The following SOX6 variants were observed in gnomAD, a reference collection of about 807,000 sequenced individuals.
SOX6 encodes the protein SRY-box transcription factor 6.
In SOX6, 11 loss-of-function variants were observed where a neutral mutation model predicts 97.8. That is an observed-to-expected ratio of 0.11 (90% confidence interval 0.07 to 0.19). SOX6 has a LOEUF of 0.19. Ranked by LOEUF, SOX6 falls within the 10% of genes least tolerant of loss-of-function variation. The pLI, the probability that SOX6 is intolerant of heterozygous loss-of-function variation, is 1.00. For missense variants in SOX6, 810 were observed against 1,039.5 expected, an observed-to-expected ratio of 0.78 and a Z score of 3.04; for synonymous variants, 360 against 371.4, an observed-to-expected ratio of 0.97 and a Z score of 0.35.
chr11:16,204,849 T>G (rs1317142251), intron 4 of SOX6, among the ~76,000 whole-genome samples: 3 of 152,144 alleles, frequency 2.0e-5, no homozygotes, highest in Non-Finnish European at 1.5e-5. Context: ...GAAAGTGACA[T>G]GCCTGATGTC....
At chr11:16,040,374 A>G (rs1274087454) in intron 12 of SOX6, among the ~76,000 whole-genome samples, 1 of 152,054 alleles carries the variant, frequency 6.6e-6, no homozygotes, top group Non-Finnish European at 1.5e-5. Context: ...AGTCCTGACA[A>G]CAGAAAGAAA....
Position 15,973,170 on chromosome 11 carries a change from G to T in SOX6, c.2184-58C>A, listed in dbSNP as rs147543211. 6,918 of 1,545,090 alleles carry T rather than the reference G, an allele frequency of 4.5e-3. 156 individuals are homozygous for T. In the South Asian group the frequency reaches 0.048, roughly 11 times the overall value. ...GGAGAAATATCTATATATGTGCTAT[G>T]TACAGCATTGGAATTCACACCCTAC... is the stretch of plus-strand genomic sequence containing the variant. On this transcript the variant is annotated intron_variant, in intron 15 of 15. Transcript: ENST00000683767.
intron 4 of SOX6, among the ~76,000 whole-genome samples, chr11:16,223,832 T>G (rs1852611649): frequency 6.6e-6 from 1 of 152,140 alleles, no homozygotes; most frequent in Non-Finnish European, 1.5e-5. Context: ...TTAGTAATAG[T>G]TTTTCTTCTC....
intron 4 of SOX6, among the ~76,000 whole-genome samples, chr11:16,563,312 G>C (rs1489970857): frequency 5.9e-5 from 9 of 152,170 alleles, no homozygotes; most frequent in South Asian, 2.1e-4. Flanking sequence ...GTTCGGGTTG[G>C]TGCATGCGTT....
At chr11:16,641,685 T>C (rs1280706448) in intron 3 of SOX6, among the ~76,000 whole-genome samples, 1 of 152,238 alleles carries the variant, frequency 6.6e-6, no homozygotes, top group Non-Finnish European at 1.5e-5. Flanking sequence ...TCTTTTGATC[T>C]TTGTTGGTTT....
chr11:16,218,249 AC>A (rs1852429525), intron 4 of SOX6, among the ~76,000 whole-genome samples: 1 of 152,112 alleles, frequency 6.6e-6, no homozygotes, highest in African/African-American at 2.4e-5. Context: ...GAAACATACT[AC>A]CACTTTATTG....
chr11:15,984,976 A>AT (rs1406012564), intron 15 of SOX6, among the ~76,000 whole-genome samples: 1 of 152,184 alleles, frequency 6.6e-6, no homozygotes, highest in Admixed American at 6.5e-5. Context: ...CATTTTACAC[A>AT]TGAGAAAACA....
chr11:16,641,090 A>G, intron 3 of SOX6, among the ~76,000 whole-genome samples: 1 of 152,334 alleles, frequency 6.6e-6, no homozygotes, highest in African/African-American at 2.4e-5. Context: ...AATGTGTCCC[A>G]GAGATTCTGG....
chr11:16,611,495 G>T lies in SOX6; in HGVS notation n.609+586C>A, dbSNP rs74598110. On this transcript the variant is annotated intron_variant and non_coding_transcript_variant, in intron 4 of 5. Coordinates refer to the SOX6 transcript ENST00000524520. ...AATGAGAGAGTGTAAAAGCCAAAAG[G>T]GAAGAAGTTGAAAACTTTAAGTCAG... Among the ~76,000 whole-genome samples the T allele has an allele frequency of 7.7e-3, 1,180 of 152,302 alleles. 11 individuals are homozygous for T. Among genetic ancestry groups the T allele is most frequent in the African/African-American group, 0.027 (1,131 of 41,572 alleles).
intron 1 of SOX6, among the ~76,000 whole-genome samples, chr11:16,364,583 A>T (rs942360237): frequency 1.9e-4 from 29 of 152,138 alleles, no homozygotes; most frequent in Non-Finnish European, 5.9e-5. Context: ...CCATCTGTAA[A>T]ATATGGATAA....
chr11:16,549,441 A>G (rs1683636685), intron 4 of SOX6, among the ~76,000 whole-genome samples: 1 of 152,142 alleles, frequency 6.6e-6, no homozygotes, highest in South Asian at 2.1e-4. Flanking sequence ...TATAACTAAA[A>G]TTTTTTAAAT....
At chr11:16,360,563 C>A (rs1217933961), upstream of SOX6, among the ~76,000 whole-genome samples, 1 of 152,124 alleles carries the variant, frequency 6.6e-6, no homozygotes, top group Non-Finnish European at 1.5e-5. Context: ...ATGTACTGCC[C>A]AAACATATCT....
intron 3 of SOX6, among the ~76,000 whole-genome samples, chr11:16,304,900 C>T (rs1409646802): frequency 2.6e-5 from 4 of 151,952 alleles, no homozygotes; most frequent in Admixed American, 6.6e-5. Context: ...TTAAACCTCA[C>T]ACCTTATACA....
chr11:16,692,084 TGTGTGCGC>T (rs1462280900), intron 3 of SOX6, among the ~76,000 whole-genome samples: 4 of 127,870 alleles, frequency 3.1e-5, no homozygotes, highest in African/African-American at 1.2e-4. Flanking sequence ...TGTGTGTGTG[TGTGTGCGC>T]GCGCGCGCTT....
rs116960307 is a variant in SOX6, at chr11:15,976,366, G to A, written c.2184-3254C>T. Among the ~76,000 whole-genome samples, 91 of 152,216 alleles carry A rather than the reference G, an allele frequency of 6.0e-4. No individual in the cohort carries two copies. In the East Asian group the frequency reaches 0.013, roughly 22 times the overall value. ...ATTATCACTGACATTGCCTCTCCTC[G>A]TCTATAAATTAGAACATTCACATTT... is the stretch of plus-strand genomic sequence containing the variant. On this transcript the variant is annotated intron_variant, in intron 15 of 15. Coordinates refer to ENST00000683767, the MANE Select transcript of SOX6 (RefSeq NM_001367873.1).
intron 9 of SOX6, among the ~76,000 whole-genome samples, chr11:16,087,485 T>C (rs1425795161): frequency 6.6e-6 from 1 of 152,128 alleles, no homozygotes; most frequent in East Asian, 1.9e-4. Flanking sequence ...TTATATACTA[T>C]TAAACTAAAA....
intron 4 of SOX6, among the ~76,000 whole-genome samples, chr11:16,560,576 CGT>C (rs1847802895): frequency 8.8e-6 from 1 of 113,370 alleles, no homozygotes; most frequent in Non-Finnish European, 2.0e-5. Flanking sequence ...TATGTTTATA[CGT>C]ACATATATGT....
chr11:16,363,569 T>C (rs1361203517), intron 1 of SOX6, among the ~76,000 whole-genome samples: 4 of 152,098 alleles, frequency 2.6e-5, no homozygotes, highest in African/African-American at 9.7e-5. Flanking sequence ...CAATGGTAGG[T>C]GGTAGGGCTA....
At chr11:16,558,043 C>T (rs1847768143) in intron 4 of SOX6, among the ~76,000 whole-genome samples, 1 of 151,870 alleles carries the variant, frequency 6.6e-6, no homozygotes, top group South Asian at 2.1e-4. Context: ...TTCTCTACAA[C>T]TTTTCCAACT....
Sources: gnomAD v4.1 joint callset for allele counts (sites outside exome capture counted in the v4.1 genomes callset) on GRCh38, gnomAD v4.1.1 for gene constraint, MANE v1.5 for transcripts, NCBI Gene and HGNC (gene_info 2026-07-23, HGNC 2026-07-21) for gene names.